The following KCNQ5 variants were observed in gnomAD, a reference collection of about 807,000 sequenced individuals.
The protein encoded by KCNQ5 is potassium voltage-gated channel subfamily KQT member 5.
A neutral mutation model predicts 98.2 loss-of-function variants in KCNQ5; 30 were observed. The ratio of observed to expected loss-of-function variants is 0.31; its 90% CI spans 0.23 to 0.41. KCNQ5 has a LOEUF of 0.41. Among genes scored for constraint, KCNQ5 ranks in the 10% least tolerant of loss-of-function variants. The pLI, the probability that KCNQ5 is intolerant of heterozygous loss-of-function variation, is 1.00. For synonymous variants in KCNQ5, 458 were observed against 449.4 expected, an observed-to-expected ratio of 1.02 and a Z score of -0.24; for missense variants, 835 against 1,182.5, an observed-to-expected ratio of 0.71 and a Z score of 4.31.
intron 1 of KCNQ5, among the ~76,000 whole-genome samples, chr6:72,916,214 C>A (rs189249144): frequency 5.3e-5 from 8 of 152,244 alleles, no homozygotes; most frequent in African/African-American, 1.9e-4. Flanking sequence ...TTTTTCCCAG[C>A]CACTTTATTA....
intron 1 of KCNQ5, among the ~76,000 whole-genome samples, chr6:72,962,456 A>G (rs1767422966): frequency 6.6e-6 from 1 of 151,884 alleles, no homozygotes. Context: ...CAATTCATCC[A>G]TATAACTGAA....
intron 1 of KCNQ5, among the ~76,000 whole-genome samples, chr6:72,794,199 T>C (rs1024017613): frequency 1.3e-5 from 2 of 152,228 alleles, no homozygotes; most frequent in Non-Finnish European, 2.9e-5. Flanking sequence ...CCGAAAGTGA[T>C]AAATGAACAT....
chr6:72,709,315 T>C (rs993298018), intron 1 of KCNQ5, among the ~76,000 whole-genome samples: 3 of 152,194 alleles, frequency 2.0e-5, no homozygotes, highest in Non-Finnish European at 2.9e-5. Flanking sequence ...AATAATTTGG[T>C]CTTGGAATCC....
chr6:73,032,446 G>A (rs937778553), intron 2 of KCNQ5, among the ~76,000 whole-genome samples: 4 of 152,108 alleles, frequency 2.6e-5, no homozygotes, highest in African/African-American at 9.7e-5. Flanking sequence ...GAGATTATGG[G>A]CATGAACCAC....
At chr6:72,903,762 T>C (rs1032101086) in intron 1 of KCNQ5, among the ~76,000 whole-genome samples, 2 of 152,206 alleles carry the variant, frequency 1.3e-5, no homozygotes, top group East Asian at 3.8e-4. Flanking sequence ...ATGGTCTATC[T>C]TGGAGAAAGT....
intron 1 of KCNQ5, among the ~76,000 whole-genome samples, chr6:72,964,699 T>C (rs1048629455): frequency 3.9e-5 from 6 of 152,314 alleles, no homozygotes; most frequent in African/African-American, 1.2e-4. Context: ...ATATTATTAG[T>C]GTATTCCATG....
chr6:73,075,440 C>T (rs974704684), intron 3 of KCNQ5, among the ~76,000 whole-genome samples: 2 of 152,150 alleles, frequency 1.3e-5, no homozygotes, highest in Non-Finnish European at 2.9e-5. Flanking sequence ...CCAGGATGGT[C>T]TCGATCTCCT....
intron 2 of KCNQ5, among the ~76,000 whole-genome samples, chr6:73,037,125 G>T (rs1771469489): frequency 6.6e-6 from 1 of 152,152 alleles, no homozygotes; most frequent in African/African-American, 2.4e-5. Flanking sequence ...AACTTTTCAT[G>T]TGCTTCTTTG....
Position 73,195,123 on chromosome 6 carries a change from C to A in KCNQ5, c.2508C>A (p.Ile836=). The part of the protein sequence containing the change: ...LGKSLSVQNL[I]RSTEELNIQL... ...AATCTTTGTCTGTGCAAAACCTGAT[C>A]AGGTCGACCGAGGAACTGAATATAC... Residue 836 remains isoleucine, a synonymous_variant, in exon 14 of 14, where the codon ATC becomes ATA. Transcript: ENST00000370398. 2 of 1,614,190 alleles carry A rather than the reference C, an allele frequency of 1.2e-6. No homozygotes were observed. The highest frequency in any genetic ancestry group is 2.2e-5 in the South Asian group (2 of 91,054).
chr6:73,091,448 G>A (rs936243089), intron 5 of KCNQ5, among the ~76,000 whole-genome samples: 3 of 151,888 alleles, frequency 2.0e-5, no homozygotes, highest in Non-Finnish European at 4.4e-5. Flanking sequence ...TTGTGCACAT[G>A]TACCCCAGAA....
At chr6:72,955,527 C>G (rs909207341) in intron 1 of KCNQ5, among the ~76,000 whole-genome samples, 7 of 152,058 alleles carry the variant, frequency 4.6e-5, no homozygotes, top group African/African-American at 1.7e-4. Context: ...TAAGTAGGAA[C>G]TTTGTGCCTC....
rs536234295 is a variant in KCNQ5 at position 72,905,354 on chromosome 6, C to A, written c.399-98554C>A. ...CCTGCCTGATTAGCTTAATAAATAA[C>A]CTCCTGAATTCTTTTACAGGTAAAT... On this transcript the variant is annotated intron_variant, in intron 1 of 13. Coordinates refer to ENST00000370398, the MANE Select transcript of KCNQ5 (RefSeq NM_019842.4). Among the ~76,000 whole-genome samples, 6 of 152,242 alleles carry A rather than the reference C, an allele frequency of 3.9e-5. No individual in the cohort carries two copies. The East Asian group carries it at 1.2e-3, about 29-fold the overall frequency.
At chr6:72,859,573 T>A (rs1187156054) in intron 1 of KCNQ5, among the ~76,000 whole-genome samples, 1 of 151,778 alleles carries the variant, frequency 6.6e-6, no homozygotes, top group Admixed American at 6.6e-5. Flanking sequence ...CCTCACTTAT[T>A]CCAGACTTTT....
At chr6:73,165,127 A>G (rs1777744058) in intron 10 of KCNQ5, among the ~76,000 whole-genome samples, 1 of 152,068 alleles carries the variant, frequency 6.6e-6, no homozygotes, top group Non-Finnish European at 1.5e-5. Flanking sequence ...GACTACAGGC[A>G]TACACACTAC....
At chr6:72,970,540 A>G (rs879329958) in intron 1 of KCNQ5, among the ~76,000 whole-genome samples, 2 of 152,044 alleles carry the variant, frequency 1.3e-5, no homozygotes, top group African/African-American at 4.8e-5. Flanking sequence ...ATTTGGCTTT[A>G]TAAGAGGTAA....
chr6:72,743,416 C>A (rs1313376422), intron 1 of KCNQ5, among the ~76,000 whole-genome samples: 1 of 151,960 alleles, frequency 6.6e-6, no homozygotes, highest in East Asian at 1.9e-4. Flanking sequence ...CATTACCAAG[C>A]AACTTCGTAA....
intron 1 of KCNQ5, among the ~76,000 whole-genome samples, chr6:72,910,497 G>A (rs1779887174): frequency 6.6e-6 from 1 of 151,890 alleles, no homozygotes. Flanking sequence ...AGCCATTAGT[G>A]TGTACACATT....
chr6:73,187,691 C>A (rs1765429014), intron 11 of KCNQ5, among the ~76,000 whole-genome samples: 1 of 152,026 alleles, frequency 6.6e-6, no homozygotes, highest in African/African-American at 2.4e-5. Flanking sequence ...GTATTGATCA[C>A]AATTATAAAC....
At chr6:72,867,833 G>T (rs1378610506) in intron 1 of KCNQ5, among the ~76,000 whole-genome samples, 2 of 151,952 alleles carry the variant, frequency 1.3e-5, no homozygotes, top group African/African-American at 4.8e-5. Context: ...TACTGGGAAG[G>T]TCGAGGCAGG....
Sources: gnomAD v4.1 joint callset for allele counts (sites outside exome capture counted in the v4.1 genomes callset) on GRCh38, gnomAD v4.1.1 for gene constraint, MANE v1.5 for transcripts, NCBI Gene and HGNC (gene_info 2026-07-23, HGNC 2026-07-21) for gene names.